The following THRB variants were observed in gnomAD, a reference collection of about 807,000 sequenced individuals.
The protein encoded by THRB is thyroid hormone receptor beta, also known as nuclear receptor subfamily 1 group A member 2.
THRB carries 12 observed loss-of-function variants against 47.8 expected under a neutral mutation model. The ratio of observed to expected loss-of-function variants is 0.25; its 90% CI spans 0.16 to 0.41. The LOEUF (loss-of-function observed/expected upper bound fraction) is 0.41, where lower values mean the gene tolerates loss of function less well. Among genes scored for constraint, THRB ranks in the 10% least tolerant of loss-of-function variants. The probability of loss-of-function intolerance (pLI) is 1.00; values close to 1 mark genes in which losing one functional copy is unlikely to be tolerated. For synonymous variants in THRB, 218 were observed against 212.2 expected (o/e 1.03, Z -0.24); for missense variants, 348 against 589.2 (o/e 0.59, Z 4.24).
intron 1 of THRB, among the ~76,000 whole-genome samples, chr3:24,414,094 T>A (rs1305393782): frequency 6.6e-6 from 1 of 151,830 alleles, no homozygotes; most frequent in East Asian, 2.0e-4. Flanking sequence ...TATAAGCAAA[T>A]GGAAACAGTG....
intron 3 of THRB, among the ~76,000 whole-genome samples, chr3:24,236,177 T>C (rs1159328827): frequency 6.6e-6 from 1 of 152,134 alleles, no homozygotes; most frequent in Middle Eastern, 3.2e-3. Flanking sequence ...CATCAAACCT[T>C]TGACTCTGGT....
intron 5 of THRB, among the ~76,000 whole-genome samples, chr3:24,169,396 AG>A (rs1376292058): frequency 5.9e-5 from 9 of 152,126 alleles, no homozygotes; most frequent in African/African-American, 2.2e-4. Context: ...CATGAGAGTG[AG>A]GACTATACTC....
At chr3:24,267,321 A>G (rs2052761809) in intron 3 of THRB, among the ~76,000 whole-genome samples, 1 of 152,078 alleles carries the variant, frequency 6.6e-6, no homozygotes, top group Admixed American at 6.5e-5. Flanking sequence ...TAGAGATGAG[A>G]AATATAATAG....
intron 3 of THRB, among the ~76,000 whole-genome samples, chr3:24,288,808 C>A (rs1216286608): frequency 6.6e-6 from 1 of 152,150 alleles, no homozygotes; most frequent in Non-Finnish European, 1.5e-5. Flanking sequence ...GACTGGAAAG[C>A]GTCAGTTCAC....
rs2031771286 is a variant in THRB, at chr3:24,121,998, A to C, written c.*886T>G. 6.5e-6 allele frequency: 1 copy of C among 152,690 alleles called. No individual in the cohort carries two copies. 9.5% of individuals were successfully genotyped at this position (152,690 alleles called of 1,614,324 possible). A position where few individuals can be genotyped will look rare whatever the true frequency, so the allele number is the denominator to read the frequency against. ...AGATACAACCTGGATAAAGAACTTCAGGAGCTTGGGAGATGACAGATCAGA... is the reference window on the plus strand; with the variant it reads ...AGATACAACCTGGATAAAGAACTTCCGGAGCTTGGGAGATGACAGATCAGA... On this transcript the variant is annotated 3_prime_UTR_variant, in exon 11 of 11. Coordinates refer to ENST00000646209, the MANE Select transcript of THRB (RefSeq NM_001354712.2).
intron 1 of THRB, among the ~76,000 whole-genome samples, chr3:24,398,905 A>G (rs2067183852): frequency 6.6e-6 from 1 of 152,320 alleles, no homozygotes; most frequent in East Asian, 1.9e-4. Context: ...GCCATAAAAA[A>G]TGATGAGTTC....
intron 1 of THRB, among the ~76,000 whole-genome samples, chr3:24,393,151 T>C (rs1162019756): frequency 6.6e-6 from 1 of 152,138 alleles, no homozygotes; most frequent in Non-Finnish European, 1.5e-5. Context: ...ACATTGTCCT[T>C]GGAAGGAAGT....
intron 2 of THRB, among the ~76,000 whole-genome samples, chr3:24,314,720 G>A (rs1335431850): frequency 1.3e-5 from 2 of 152,042 alleles, no homozygotes; most frequent in African/African-American, 2.4e-5. Flanking sequence ...GCCTTTCTTT[G>A]TAACATGGAA....
At chr3:24,425,695 G>A (rs2069689155) in intron 1 of THRB, among the ~76,000 whole-genome samples, 1 of 151,864 alleles carries the variant, frequency 6.6e-6, no homozygotes, top group Non-Finnish European at 1.5e-5. Flanking sequence ...GATTATTAGA[G>A]ATCTTGTGGT....
At chr3:24,316,363 C>A (rs898820417) in intron 2 of THRB, among the ~76,000 whole-genome samples, 1 of 150,978 alleles carries the variant, frequency 6.6e-6, no homozygotes, top group Non-Finnish European at 1.5e-5. Context: ...CTCCTCTTTC[C>A]ATCCTTTCCT....
intron 6 of THRB, among the ~76,000 whole-genome samples, chr3:24,148,230 G>A (rs2036388426): frequency 6.6e-6 from 1 of 152,206 alleles, no homozygotes; most frequent in Non-Finnish European, 1.5e-5. Flanking sequence ...GGGTGCAAGT[G>A]ATTCTCATAT....
Position 24,190,141 on chromosome 3 carries a change from A to T in THRB, c.216T>A (p.His72Gln). 1 of 1,614,046 alleles carries T rather than the reference A, an allele frequency of 6.2e-7. No individual in the cohort carries two copies. ...TWTSSIFHLDHDDVNDQSVSS... is the reference protein window; with the variant it reads ...TWTSSIFHLDQDDVNDQSVSS... ...AGACACTCTGGTCGTTCACATCATC[A>T]TGGTCCAGATGGAATATTGAGCTAG... The change falls in exon 5 of 11, where the codon CAT becomes CAA. Residue 72 changes from histidine (H) to glutamine (Q), a missense_variant. His to Gln is a conservative substitution (Grantham distance 24, BLOSUM62 0). This residue lies in a region of THRB where 148 missense variants were observed against 122.3 expected (regional missense o/e 1.21). Transcript: ENST00000646209.
intron 1 of THRB, among the ~76,000 whole-genome samples, chr3:24,361,231 G>A (rs1489467368): frequency 6.6e-6 from 1 of 152,174 alleles, no homozygotes; most frequent in African/African-American, 2.4e-5. Flanking sequence ...TTATGGTTAT[G>A]CACTTGGAAA....
intron 5 of THRB, among the ~76,000 whole-genome samples, chr3:24,185,324 TA>T (rs1246501320): frequency 6.6e-6 from 1 of 152,210 alleles, no homozygotes; most frequent in Non-Finnish European, 1.5e-5. Context: ...CCCAGGTTTA[TA>T]AAAAATACAC....
Position 24,168,490 on chromosome 3 carries a change from A to T in THRB, c.284-16000T>A, listed in dbSNP as rs187890668. Among the ~76,000 whole-genome samples, 582 of 137,520 alleles carry T rather than the reference A, an allele frequency of 4.2e-3. 4 individuals are homozygous for T. Among genetic ancestry groups the T allele is most frequent in the Middle Eastern group, 0.011 (3 of 264 alleles). 90.2% of individuals were successfully genotyped at this position (137,520 alleles called of 152,430 possible). ...TCCGATTAGAAGTGTTTCAATCAATAATATATATATATATATATATGCGCC... is the reference window on the plus strand; with the variant it reads ...TCCGATTAGAAGTGTTTCAATCAATTATATATATATATATATATATGCGCC... On this transcript the variant is annotated intron_variant, in intron 5 of 10. Coordinates refer to ENST00000646209, the MANE Select transcript of THRB (RefSeq NM_001354712.2).
intron 3 of THRB, 147 bp from the exon 4 acceptor site, chr3:24,229,148 G>A (rs918981472): frequency 3.3e-6 from 2 of 597,134 alleles, no homozygotes; most frequent in South Asian, 4.7e-5. Context: ...AAGCATAGGT[G>A]GGCTATGTGA....
intron 3 of THRB, among the ~76,000 whole-genome samples, chr3:24,255,110 T>C (rs2051116862): frequency 1.3e-5 from 2 of 152,204 alleles, no homozygotes; most frequent in African/African-American, 4.8e-5. Flanking sequence ...GTCTGATGCT[T>C]ATGCCTCCTT....
At chr3:24,129,105 C>A (rs891190174) in intron 9 of THRB, among the ~76,000 whole-genome samples, 4 of 152,088 alleles carry the variant, frequency 2.6e-5, no homozygotes, top group African/African-American at 4.8e-5. Flanking sequence ...AGTCACTTTA[C>A]CATTTAATTT....
chr3:24,213,732 G>C (rs765145261), intron 4 of THRB, among the ~76,000 whole-genome samples: 9 of 152,202 alleles, frequency 5.9e-5, no homozygotes, highest in Non-Finnish European at 1.3e-4. Context: ...TGGAAAGTGC[G>C]ACTAGAAGAC....
Sources: allele counts gnomAD v4.1 joint callset (sites outside exome capture counted in the v4.1 genomes callset), GRCh38; gene constraint gnomAD v4.1.1; regional missense constraint gnomAD v4.1.1; transcripts MANE v1.5; gene names NCBI Gene and HGNC (gene_info 2026-07-23, HGNC 2026-07-21).